Variants in TCF12 observed in about 807,000 individuals in gnomAD.
The protein encoded by TCF12 is transcription factor 12, also known as DNA-binding protein HTF4.
TCF12 carries 45 observed loss-of-function variants against 86.0 expected under a neutral mutation model. The ratio of observed to expected loss-of-function variants is 0.52; its 90% CI spans 0.41 to 0.67. TCF12 has a LOEUF of 0.67. TCF12 is among the 30% of genes least tolerant of loss of function. The probability of loss-of-function intolerance (pLI) is 0.00; values close to 1 mark genes in which losing one functional copy is unlikely to be tolerated. For synonymous variants in TCF12, 330 were observed against 299.6 expected (o/e 1.10, Z -1.05); for missense variants, 881 against 859.9 (o/e 1.02, Z -0.31).
chr15:57,169,647 T>G (rs1275907594), intron 6 of TCF12, among the ~76,000 whole-genome samples: 1 of 152,142 alleles, frequency 6.6e-6, no homozygotes, highest in East Asian at 1.9e-4. Flanking sequence ...ACCTAAATGT[T>G]TGAGAGCCAC....
chr15:57,016,315 A>G (rs1466822112), intron 3 of TCF12, among the ~76,000 whole-genome samples: 8 of 152,246 alleles, frequency 5.3e-5, no homozygotes, highest in Admixed American at 2.0e-4. Flanking sequence ...GTAATTGCCA[A>G]TGCATCTTCC....
chr15:57,114,758 C>A (rs1345963695), intron 5 of TCF12, among the ~76,000 whole-genome samples: 1 of 152,136 alleles, frequency 6.6e-6, no homozygotes, highest in Non-Finnish European at 1.5e-5. Context: ...CCAAATAGAA[C>A]AACATTCTTG....
chr15:57,181,245 A>G (rs16953323), intron 6 of TCF12, among the ~76,000 whole-genome samples: 6,908 of 151,746 alleles, frequency 0.046, 459 homozygotes, highest in African/African-American at 0.15. Flanking sequence ...TCAACACTTA[A>G]TTTTCCCTTT....
chr15:57,091,352 A>G (rs1442692704), intron 4 of TCF12, among the ~76,000 whole-genome samples: 2 of 152,172 alleles, frequency 1.3e-5, no homozygotes, highest in African/African-American at 2.4e-5. Flanking sequence ...GAATAGGAGG[A>G]TAAAGATAAG....
At position 56,919,940 on chromosome 15, in the gene TCF12, C is replaced by T; in HGVS notation, c.27C>T (p.Ala9=). MNPQQQRM[A]AIGTDKELSD... ...TGAATCCCCAGCAACAACGCATGGC[C>T]GCTATAGGGACCGACAAGGAGCTGA... Residue 9 remains alanine (A), a synonymous_variant, in exon 2 of 21, where the codon GCC becomes GCT. Transcript: ENST00000333725. 1 of 1,614,050 alleles carries T rather than the reference C, an allele frequency of 6.2e-7. No homozygotes were observed. The highest frequency in any genetic ancestry group is 8.5e-7 in the Non-Finnish European group (1 of 1,179,986).
intron 5 of TCF12, among the ~76,000 whole-genome samples, chr15:57,095,907 T>C (rs2049288293): frequency 6.6e-6 from 1 of 152,172 alleles, no homozygotes. Flanking sequence ...ATAACTGCTA[T>C]TTTGCAAATG....
chr15:57,229,448 T>G (rs1261758269), intron 8 of TCF12, among the ~76,000 whole-genome samples: 6 of 151,840 alleles, frequency 4.0e-5, no homozygotes, highest in African/African-American at 1.4e-4. Context: ...ACCACAGATG[T>G]GTGTTTTTAC....
At chr15:57,251,481 T>G in intron 14 of TCF12, 58 bp downstream of exon 14, 1 of 1,530,436 alleles carries the variant, frequency 6.5e-7, no homozygotes, top group Non-Finnish European at 9.0e-7. Context: ...TTGTTTTTGG[T>G]CAATCTGGCA....
At chr15:56,932,936 A>G (rs1234558596) in intron 3 of TCF12, among the ~76,000 whole-genome samples, 1 of 152,224 alleles carries the variant, frequency 6.6e-6, no homozygotes, top group Non-Finnish European at 1.5e-5. Flanking sequence ...ATTTCAAGAC[A>G]TTAAATATAA....
At chr15:56,930,665 C>G (rs1395263851) in intron 3 of TCF12, among the ~76,000 whole-genome samples, 1 of 151,978 alleles carries the variant, frequency 6.6e-6, no homozygotes, top group African/African-American at 2.4e-5. Flanking sequence ...CAAGACTGTT[C>G]TAAGTATCCT....
chr15:57,166,476 A>T lies in TCF12; in HGVS notation c.390+10A>T. 6.2e-7 allele frequency: 1 copy of T among 1,609,804 alleles called. No individual in the cohort carries two copies. Among genetic ancestry groups the T allele is most frequent in the Non-Finnish European group, 8.5e-7 (1 of 1,178,156 alleles). On this transcript the variant is annotated intron_variant, in intron 6 of 20. Coordinates refer to ENST00000333725, the MANE Select transcript of TCF12 (RefSeq NM_207037.2). The stretch of plus-strand genomic sequence containing the variant: ...ATTACCAGGCTGTCAAGTAAGTTTA[A>T]TGATTAAAAAAAGCAATGAGATGGT...
chr15:56,984,874 CTT>C (rs1207676075), intron 3 of TCF12, among the ~76,000 whole-genome samples: 1 of 152,224 alleles, frequency 6.6e-6, no homozygotes, highest in East Asian at 1.9e-4. Flanking sequence ...GAGGCTTGTA[CTT>C]TTGTTTGTTA....
chr15:57,128,160 A>G (rs1358189447), intron 5 of TCF12, among the ~76,000 whole-genome samples: 5 of 152,244 alleles, frequency 3.3e-5, no homozygotes, highest in South Asian at 4.2e-4. Context: ...GTGGGCTGTT[A>G]GTAAGTCCAT....
rs937246091 is a variant in TCF12 at position 57,065,799 on chromosome 15, G to A, written c.222+1976G>A. Among the ~76,000 whole-genome samples, 15 of 152,182 alleles carry A rather than the reference G, an allele frequency of 9.9e-5. No homozygotes were observed. The East Asian group carries it at 2.5e-3, about 25-fold the overall frequency. ...ATTTATAGGTCAAATGTGAAATGCTGTATTTTACTTAGTTTATTTATTTTT... is the reference window on the plus strand; with the variant it reads ...ATTTATAGGTCAAATGTGAAATGCTATATTTTACTTAGTTTATTTATTTTT... On this transcript the variant is annotated intron_variant, in intron 4 of 20. Coordinates refer to ENST00000333725, the MANE Select transcript of TCF12 (RefSeq NM_207037.2).
intron 3 of TCF12, among the ~76,000 whole-genome samples, chr15:56,993,290 C>T (rs182729438): frequency 1.2e-4 from 18 of 152,218 alleles, no homozygotes; most frequent in Admixed American, 7.2e-4. Flanking sequence ...CCCAAGCAAC[C>T]GTGTGGTAAT....
At chr15:57,202,437 CTT>C (rs1295280076) in intron 8 of TCF12, among the ~76,000 whole-genome samples, 18 of 139,284 alleles carry the variant, frequency 1.3e-4, no homozygotes, top group Admixed American at 2.2e-4. Context: ...CTGCCCTCAG[CTT>C]TTTTTTTTTT....
chr15:57,003,779 C>T (rs2064188034), intron 3 of TCF12, among the ~76,000 whole-genome samples: 1 of 152,158 alleles, frequency 6.6e-6, no homozygotes, highest in Admixed American at 6.5e-5. Context: ...TAATGAAGAT[C>T]AACTGAATCT....
At chr15:57,110,417 G>A (rs116969038) in intron 5 of TCF12, among the ~76,000 whole-genome samples, 1,965 of 152,268 alleles carry the variant, frequency 0.013, 22 homozygotes, top group Non-Finnish European at 0.02. Flanking sequence ...TGTGTTAATA[G>A]GTTCTGACCT....
chr15:57,069,049 A>G (rs1215505642), intron 4 of TCF12, among the ~76,000 whole-genome samples: 1 of 152,164 alleles, frequency 6.6e-6, no homozygotes, highest in Non-Finnish European at 1.5e-5. Context: ...TCAAGAGGCC[A>G]GGTCATCTTG....
Sources: gnomAD v4.1 joint callset for allele counts (sites outside exome capture counted in the v4.1 genomes callset) on GRCh38, gnomAD v4.1.1 for gene constraint, MANE v1.5 for transcripts, NCBI Gene and HGNC (gene_info 2026-07-23, HGNC 2026-07-21) for gene names.